The following PPP1R13B variants were observed in gnomAD, a reference collection of about 807,000 sequenced individuals.
The protein encoded by PPP1R13B is protein phosphatase 1 regulatory subunit 13B.
In PPP1R13B, 44 loss-of-function variants were observed where a neutral mutation model predicts 119.8. The observed-to-expected ratio is 0.37, with a 90% CI of 0.29 to 0.47. The LOEUF is 0.47. PPP1R13B is among the 20% of genes least tolerant of loss of function. The pLI, the probability that PPP1R13B is intolerant of heterozygous loss-of-function variation, is 0.99. For synonymous variants in PPP1R13B, 542 were observed against 561.5 expected (o/e 0.97, Z 0.49); for missense variants, 1,227 against 1,413.5 (o/e 0.87, Z 2.12).
Position 103,753,975 on chromosome 14 carries a change from G to C in PPP1R13B, c.631+95C>G, listed in dbSNP as rs895735104. 23 of 1,431,764 alleles carry C rather than the reference G, an allele frequency of 1.6e-5. No homozygotes were observed. In the African/African-American group the frequency reaches 3.1e-4, roughly 20 times the overall value. 88.7% of individuals were successfully genotyped at this position (1,431,764 alleles called of 1,614,324 possible). On this transcript the variant is annotated intron_variant, in intron 6 of 16. Transcript: ENST00000202556. ...TTGAGCACGCTTGCTATTTAGTCCT[G>C]TGAATTTGTGACTGAATTGTCAGGC... is the stretch of plus-strand genomic sequence containing the variant.
Position 103,736,125 on chromosome 14 carries a change from C to T in PPP1R13B, c.3109G>A (p.Glu1037Lys), listed in dbSNP as rs766655257. The change falls in exon 16 of 17, where the codon GAG becomes AAG. Residue 1037 changes from glutamate to lysine, a missense_variant. Transcript: ENST00000202556. ...LWDYEAQNSD[E>K]LSFHEGDALT... is the part of the protein sequence containing the mutation. Reference sequence around the variant, plus strand: ...GCGTCCCCTTCGTGGAAGGACAGCTCGTCACTGTTCTGGGCCTCGTAGTCC... The same window carrying T: ...GCGTCCCCTTCGTGGAAGGACAGCTTGTCACTGTTCTGGGCCTCGTAGTCC... The T allele has an allele frequency of 6.2e-7, 1 of 1,614,222 alleles. No individual in the cohort carries two copies. Among genetic ancestry groups the T allele is most frequent in the Non-Finnish European group, 8.5e-7 (1 of 1,180,036 alleles).
At chr14:103,772,508 C>T (rs975013495) in intron 4 of PPP1R13B, among the ~76,000 whole-genome samples, 1 of 152,156 alleles carries the variant, frequency 6.6e-6, no homozygotes, top group Non-Finnish European at 1.5e-5. Flanking sequence ...TATGATCAGT[C>T]TTTTTAACAT....
chr14:103,779,329 T>C (rs927222667), intron 3 of PPP1R13B, among the ~76,000 whole-genome samples: 2 of 151,694 alleles, frequency 1.3e-5, no homozygotes, highest in African/African-American at 4.8e-5. Flanking sequence ...TAAAAATAAA[T>C]GAAATAAAGT....
At chr14:103,771,785 A>G (rs2085076121) in intron 4 of PPP1R13B, among the ~76,000 whole-genome samples, 1 of 152,062 alleles carries the variant, frequency 6.6e-6, no homozygotes, top group African/African-American at 2.4e-5. Flanking sequence ...CCGGCCTAAA[A>G]CTTCTAGAAG....
intron 4 of PPP1R13B, among the ~76,000 whole-genome samples, chr14:103,762,079 G>A (rs1361560145): frequency 6.6e-6 from 1 of 152,196 alleles, no homozygotes; most frequent in Non-Finnish European, 1.5e-5. Context: ...TTGTGACCCT[G>A]AAGTGCTTTC....
At chr14:103,761,636 G>A (rs1042008238) in intron 4 of PPP1R13B, among the ~76,000 whole-genome samples, 1 of 151,934 alleles carries the variant, frequency 6.6e-6, no homozygotes, top group Non-Finnish European at 1.5e-5. Flanking sequence ...GGTGGCAGGT[G>A]CCTGTAATCC....
chr14:103,841,992 AC>A (rs1264485206), intron 1 of PPP1R13B, among the ~76,000 whole-genome samples: 1 of 152,144 alleles, frequency 6.6e-6, no homozygotes, highest in African/African-American at 2.4e-5. Context: ...AGGAGCAAGA[AC>A]CCTATTTCCA....
chr14:103,832,811 G>A (rs749154454), intron 1 of PPP1R13B, among the ~76,000 whole-genome samples: 1 of 152,044 alleles, frequency 6.6e-6, no homozygotes, highest in African/African-American at 2.4e-5. Flanking sequence ...GCGAAACTTC[G>A]TCTCTACTAA....
intron 3 of PPP1R13B, among the ~76,000 whole-genome samples, chr14:103,783,416 C>T (rs2085381411): frequency 6.6e-6 from 1 of 151,786 alleles, no homozygotes; most frequent in Admixed American, 6.6e-5. Context: ...CACACCACCA[C>T]ATCGGGCTAA....
chr14:103,769,971 GC>G (rs1399587557), intron 4 of PPP1R13B, among the ~76,000 whole-genome samples: 1 of 151,918 alleles, frequency 6.6e-6, no homozygotes, highest in Non-Finnish European at 1.5e-5. Context: ...ATTAATAAGA[GC>G]CAATTAGATA....
In PPP1R13B at chr14:103,766,582, A is replaced by C. The variant is rs531396348; in HGVS notation, c.355-8831T>G. On this transcript the variant is annotated intron_variant, in intron 4 of 16. Transcript: ENST00000202556. Reference sequence around the variant, plus strand: ...TACCAGACACCATGAAGACATCTTAATAATCTAAATCATATGAAAATACTG... The same window carrying C: ...TACCAGACACCATGAAGACATCTTACTAATCTAAATCATATGAAAATACTG... 3.3e-5 allele frequency among the ~76,000 whole-genome samples: 5 copies of C among 152,310 alleles called. No individual in the cohort carries two copies. In the South Asian group the frequency reaches 1.0e-3, roughly 32 times the overall value.
chr14:103,776,797 G>A (rs1043042457), intron 4 of PPP1R13B, among the ~76,000 whole-genome samples: 24 of 151,574 alleles, frequency 1.6e-4, no homozygotes, highest in Non-Finnish European at 2.5e-4. Context: ...GCTTGAATCC[G>A]GGAGGCGGAG....
At chr14:103,848,213 C>T (rs2087118910), upstream of PPP1R13B, 1 of 982,468 alleles carries the variant, frequency 1.0e-6, no homozygotes, top group Non-Finnish European at 1.2e-6. Flanking sequence ...GAGCCTTGGC[C>T]TTCGCCCGAG....
intron 4 of PPP1R13B, among the ~76,000 whole-genome samples, chr14:103,768,386 T>G (rs1322076712): frequency 1.3e-5 from 2 of 152,120 alleles, no homozygotes. Context: ...AACCTCCGCC[T>G]CCCAGGTTCA....
At chr14:103,755,106 T>C (rs1248743200) in intron 5 of PPP1R13B, among the ~76,000 whole-genome samples, 2 of 151,908 alleles carry the variant, frequency 1.3e-5, no homozygotes, top group African/African-American at 4.8e-5. Flanking sequence ...TACACTCATC[T>C]ACACCAGTTA....
chr14:103,741,915 G>A lies in PPP1R13B; in HGVS notation c.1697C>T (p.Ser566Phe). The A allele has an allele frequency of 1.9e-6, 3 of 1,614,242 alleles. No individual in the cohort carries two copies. The highest frequency in any genetic ancestry group is 2.5e-6 in the Non-Finnish European group (3 of 1,180,054). Reference sequence around the variant, plus strand: ...CACTGTCTGGGGTCCTTTCCTGGGAGACTGTGGCCTTGACCCTTTATCAGC... The same window carrying A: ...CACTGTCTGGGGTCCTTTCCTGGGAAACTGTGGCCTTGACCCTTTATCAGC... Reference protein sequence around the residue: ...FLADKGSRPQSPRKGPQTVNS... With the variant: ...FLADKGSRPQFPRKGPQTVNS... Residue 566 changes from serine to phenylalanine, a missense_variant, in exon 11 of 17, where the codon TCT becomes TTT. Coordinates refer to ENST00000202556, the MANE Select transcript of PPP1R13B (RefSeq NM_015316.3).
chr14:103,767,316 T>C (rs2084960162), intron 4 of PPP1R13B, among the ~76,000 whole-genome samples: 1 of 152,016 alleles, frequency 6.6e-6, no homozygotes, highest in Non-Finnish European at 1.5e-5. Context: ...CCTGTCTCTT[T>C]AAAATAAATA....
intron 2 of PPP1R13B, among the ~76,000 whole-genome samples, chr14:103,788,110 T>G (rs11848174): frequency 0.032 from 4,763 of 150,216 alleles, 211 homozygotes; most frequent in African/African-American, 0.099. Context: ...AGACCCTGTC[T>G]CAAAAAGAGA....
intron 1 of PPP1R13B, among the ~76,000 whole-genome samples, chr14:103,817,180 T>C (rs113082679): frequency 0.016 from 2,406 of 152,312 alleles, 66 homozygotes; most frequent in African/African-American, 0.055. Context: ...TTGTGGAATC[T>C]AAATTCGGGC....
Sources: gnomAD v4.1 joint callset for allele counts (sites outside exome capture counted in the v4.1 genomes callset) on GRCh38, gnomAD v4.1.1 for gene constraint, MANE v1.5 for transcripts, NCBI Gene and HGNC (gene_info 2026-07-23, HGNC 2026-07-21) for gene names.